TTC21B: variants seen among roughly 807,000 people sequenced by gnomAD.
The protein encoded by TTC21B is tetratricopeptide repeat protein 21B.
Under a neutral mutation model 175.1 loss-of-function variants are expected in TTC21B, and 127 were observed. The observed-to-expected ratio is 0.73, with a 90% CI of 0.63 to 0.84. TTC21B has a LOEUF of 0.84. Ranked by LOEUF, TTC21B falls within the 40% of genes least tolerant of loss-of-function variation. The pLI, the probability that TTC21B is intolerant of heterozygous loss-of-function variation, is 0.00. For synonymous variants in TTC21B, 524 were observed against 524.5 expected (o/e 1.00, Z 0.01); for missense variants, 1,561 against 1,558.3 (o/e 1.00, Z -0.03).
chr2:165,912,758 C>CTT (rs1390130655), intron 16 of TTC21B, 134 bp from the exon 17 acceptor site: 1 of 742,460 alleles, frequency 1.3e-6, no homozygotes, highest in Non-Finnish European at 2.4e-6. Context: ...AGCACAGGAA[C>CTT]TTTAACAATT....
At chr2:165,887,095 C>T (rs1685021995) in intron 25 of TTC21B, among the ~76,000 whole-genome samples, 1 of 152,120 alleles carries the variant, frequency 6.6e-6, no homozygotes, top group African/African-American at 2.4e-5. Context: ...AGTTGCAGGT[C>T]TCCCAAACCC....
chr2:165,923,791 C>T (rs1686512845), intron 12 of TTC21B, among the ~76,000 whole-genome samples: 2 of 142,606 alleles, frequency 1.4e-5, no homozygotes, highest in Admixed American at 1.5e-4. Context: ...ACTCCCATCA[C>T]TGACGCTGGA....
At position 165,929,267 on chromosome 2, in the gene TTC21B, C is replaced by T; in HGVS notation, c.1254G>A (p.Leu418=). 1.2e-6 allele frequency: 2 copies of T among 1,612,776 alleles called. No homozygotes were observed. The highest frequency in any genetic ancestry group is 1.7e-6 in the Non-Finnish European group (2 of 1,179,206). The part of the protein sequence containing the change: ...KNKRQEEVIN[L]LNDVLDTHFS... ...AGTGAGTGTCCAGGACATCATTTAA[C>T]AAATTAATAACTTCTTCTTGTCGTT... Residue 418 remains leucine, a synonymous_variant, in exon 11 of 29, where the codon TTG becomes TTA. Coordinates refer to ENST00000243344, the MANE Select transcript of TTC21B (RefSeq NM_024753.5).
intron 27 of TTC21B, among the ~76,000 whole-genome samples, chr2:165,878,700 G>A (rs940498166): frequency 2.6e-4 from 15 of 58,712 alleles, no homozygotes; most frequent in Non-Finnish European, 4.7e-4. Flanking sequence ...TTTTTTTTTT[G>A]AGACAGAGTC....
Position 165,880,704 on chromosome 2 carries a change from A to T in TTC21B, c.3780T>A (p.Tyr1260Ter). 1.2e-6 allele frequency: 2 copies of T among 1,613,640 alleles called. No individual in the cohort carries two copies. Among genetic ancestry groups the T allele is most frequent in the Non-Finnish European group, 1.7e-6 (2 of 1,179,798 alleles). The change falls in exon 27 of 29, where the codon TAT becomes TAA. Residue 1260 changes from tyrosine to a stop codon, truncating the protein, a stop_gained. Transcript: ENST00000243344. LOFTEE classifies it high-confidence loss of function. Reference protein sequence around the residue: ...AALNYEMAWKYSNRTNPAVGY... With the variant: ...AALNYEMAWK ...CTACTGCCGGATTTGTCCGATTGCT[A>T]TATTTCCATGCCATCTCATAGTTCA... is the stretch of plus-strand genomic sequence containing the variant.
rs779134983 is a variant in TTC21B at position 165,919,404 on chromosome 2, G to A, written c.1546C>T (p.Gln516Ter). ...GDIEAAFNNLQHCLEHNPSYA... is the reference protein window; with the variant it reads ...GDIEAAFNNL Reference sequence around the variant, plus strand: ...GAGGGATTGTGTTCTAAGCAGTGCTGAAGGTTATTGAAAGCTGCTTCAATA... The same window carrying A: ...GAGGGATTGTGTTCTAAGCAGTGCTAAAGGTTATTGAAAGCTGCTTCAATA... The change falls in exon 13 of 29, where the codon CAG becomes TAG. Residue 516 changes from glutamine to a stop codon, truncating the protein, a stop_gained. Transcript: ENST00000243344. LOFTEE classifies it high-confidence loss of function. 5.0e-6 allele frequency: 8 copies of A among 1,613,944 alleles called. No individual in the cohort carries two copies. In the Admixed American group the frequency reaches 8.3e-5, roughly 17 times the overall value.
intron 1 of TTC21B, among the ~76,000 whole-genome samples, chr2:165,950,885 G>C (rs956858657): frequency 2.6e-5 from 4 of 152,170 alleles, no homozygotes; most frequent in Non-Finnish European, 5.9e-5. Context: ...TGAGATTACA[G>C]GCGTGAGCCA....
At chr2:165,948,136 A>G (rs1366282191) in intron 3 of TTC21B, 1 of 152,174 alleles carries the variant, frequency 6.6e-6, no homozygotes, top group Non-Finnish European at 1.5e-5. Flanking sequence ...CTCTCTGGCC[A>G]ATACTCTTCA....
At chr2:165,914,524 T>C (rs1019644603) in intron 15 of TTC21B, among the ~76,000 whole-genome samples, 1 of 152,116 alleles carries the variant, frequency 6.6e-6, no homozygotes, top group Non-Finnish European at 1.5e-5. Context: ...TGATATAATA[T>C]AGATGAGCCA....
intron 27 of TTC21B, among the ~76,000 whole-genome samples, chr2:165,878,673 G>A (rs1684746962): frequency 6.7e-6 from 1 of 148,626 alleles, no homozygotes; most frequent in Admixed American, 6.8e-5. Context: ...GAAAGAGCAT[G>A]AGCACGATTT....
intron 27 of TTC21B, among the ~76,000 whole-genome samples, chr2:165,879,431 G>A (rs528283948): frequency 6.6e-6 from 1 of 152,296 alleles, no homozygotes; most frequent in Admixed American, 6.5e-5. Flanking sequence ...AGTATAGTAT[G>A]AGAACAGACT....
intron 19 of TTC21B, among the ~76,000 whole-genome samples, chr2:165,903,104 C>G (rs1685620583): frequency 1.3e-5 from 2 of 152,162 alleles, no homozygotes; most frequent in African/African-American, 2.4e-5. Context: ...GAAAGTGGAA[C>G]AAATATTGGC....
At chr2:165,883,713 T>C in intron 26 of TTC21B, 81 bp downstream of exon 26, 2 of 1,103,368 alleles carry the variant, frequency 1.8e-6, no homozygotes, top group Admixed American at 3.6e-5. Context: ...TCCTTGGAAA[T>C]GGACTAACAC....
In TTC21B at chr2:165,898,745, C is replaced by A; in HGVS notation, c.2891G>T (p.Arg964Ile). ...CACTGCTTGTTCATAGTCTTGTTTT[C>A]TGAACATGAGATCAGCCATCATCTA... ...ATMMMADLMF[R>I]KQDYEQAVFH... Residue 964 changes from arginine (R) to isoleucine (I), a missense_variant, in exon 22 of 29, where the codon AGA becomes ATA. Physicochemically the swap from Arg to Ile is moderately conservative, Grantham distance 97 (BLOSUM62 -3). Transcript: ENST00000243344. The A allele has an allele frequency of 1.2e-6, 2 of 1,613,162 alleles. No homozygotes were observed. The highest frequency in any genetic ancestry group is 1.1e-5 in the South Asian group (1 of 91,068).
intron 26 of TTC21B, among the ~76,000 whole-genome samples, chr2:165,883,071 T>C (rs1484709663): frequency 6.6e-6 from 1 of 152,168 alleles, no homozygotes; most frequent in East Asian, 1.9e-4. Context: ...CCATTTGTAA[T>C]CTAATTCGCT....
intron 26 of TTC21B, 85 bp downstream of exon 26, chr2:165,883,709 G>T: frequency 9.3e-7 from 1 of 1,077,978 alleles, no homozygotes; most frequent in African/African-American, 1.6e-5. Context: ...GGAATCCTTG[G>T]AAATGGACTA....
intron 7 of TTC21B, among the ~76,000 whole-genome samples, chr2:165,932,111 A>T (rs1434226038): frequency 6.6e-6 from 1 of 152,130 alleles, no homozygotes; most frequent in Non-Finnish European, 1.5e-5. Flanking sequence ...TGGATAGGCG[A>T]AGACACCCAT....
At chr2:165,945,462 G>A in intron 4 of TTC21B, 62 bp downstream of exon 4, 2 of 1,443,232 alleles carry the variant, frequency 1.4e-6, no homozygotes, top group South Asian at 1.2e-5. Context: ...AGATACTACT[G>A]GATATATCAA....
intron 21 of TTC21B, among the ~76,000 whole-genome samples, 176 bp downstream of exon 21, chr2:165,899,594 A>G (rs982324003): frequency 6.6e-6 from 1 of 152,250 alleles, no homozygotes; most frequent in Non-Finnish European, 1.5e-5. Flanking sequence ...TCTTATAAAT[A>G]AAATCCTAAT....
Sources: gnomAD v4.1 joint callset for allele counts (sites outside exome capture counted in the v4.1 genomes callset) on GRCh38, gnomAD v4.1.1 for gene constraint, MANE v1.5 for transcripts, NCBI Gene and HGNC (gene_info 2026-07-23, HGNC 2026-07-21) for gene names.